NBEAL2: variants seen among roughly 807,000 people sequenced by gnomAD.
The protein encoded by NBEAL2 is neurobeachin like 2.
A neutral mutation model predicts 299.8 loss-of-function variants in NBEAL2; 160 were observed. The ratio of observed to expected loss-of-function variants is 0.53; its 90% CI spans 0.47 to 0.61. NBEAL2 has a LOEUF of 0.61. Among genes scored for constraint, NBEAL2 ranks in the 20% least tolerant of loss-of-function variants. The pLI, the probability that NBEAL2 is intolerant of heterozygous loss-of-function variation, is 0.00. For missense variants in NBEAL2, 3,112 were observed against 3,649.0 expected, an observed-to-expected ratio of 0.85 and a Z score of 3.79; for synonymous variants, 1,493 against 1,542.3, an observed-to-expected ratio of 0.97 and a Z score of 0.75.
rs1172760126 is a variant in NBEAL2 at position 46,994,484 on chromosome 3, T to C, written c.1227T>C (p.Pro409=). The change falls in exon 12 of 54, where the codon CCT becomes CCC. Residue 409 remains proline (P), a synonymous_variant. Coordinates refer to ENST00000450053, the MANE Select transcript of NBEAL2 (RefSeq NM_015175.3). ...KEVFKERIGY[P]HLQEVLQSHG... is the part of the protein sequence containing the mutation. ...TGTTTAAGGAGCGCATCGGCTACCC[T>C]CACCTGCAGGAGGTTCTGCAGAGCC... The C allele has an allele frequency of 1.9e-6, 3 of 1,595,802 alleles. No individual in the cohort carries two copies. In the East Asian group the frequency reaches 6.7e-5, roughly 36 times the overall value.
At chr3:46,983,454 C>T (rs1258059658) in intron 1 of NBEAL2, among the ~76,000 whole-genome samples, 1 of 151,954 alleles carries the variant, frequency 6.6e-6, no homozygotes, top group Non-Finnish European at 1.5e-5. Context: ...AGACTACAGG[C>T]GTGTGCCACC....
Position 46,979,733 on chromosome 3 carries a change from C to T in NBEAL2, c.-129C>T. ...CGGAGGCCACAGCCGCAGACTTCCCCAGTAGTACCGCGCCGCTCCGCCCCG... is the reference window on the plus strand; with the variant it reads ...CGGAGGCCACAGCCGCAGACTTCCCTAGTAGTACCGCGCCGCTCCGCCCCG... On this transcript the variant is annotated 5_prime_UTR_variant, in exon 1 of 54. Transcript: ENST00000450053. The T allele has an allele frequency of 3.2e-6, 1 of 316,596 alleles. No homozygotes were observed. The allele number at this position is 316,596 out of a possible 1,614,324, so 19.6% of individuals were successfully genotyped here.
chr3:46,999,164 C>G (rs1173507485), intron 24 of NBEAL2, 47 bp downstream of exon 24: 3 of 1,547,738 alleles, frequency 1.9e-6, no homozygotes, highest in Non-Finnish European at 2.6e-6. Flanking sequence ...CACTGGGGCC[C>G]CTGCCTGGGG....
At chr3:46,997,165 A>T in intron 18 of NBEAL2, 94 bp from the exon 19 acceptor site, 2 of 1,569,146 alleles carry the variant, frequency 1.3e-6, no homozygotes, top group Non-Finnish European at 1.7e-6. Context: ...CCAGCTCAAG[A>T]GAGCAAAACT....
rs1335386671 is a variant in NBEAL2 at position 46,988,653 on chromosome 3, C to T, written c.52-16C>T. 2 of 1,611,854 alleles carry T rather than the reference C, an allele frequency of 1.2e-6. No homozygotes were observed. Among genetic ancestry groups the T allele is most frequent in the Non-Finnish European group, 1.7e-6 (2 of 1,178,002 alleles). ...CCCTCCTGCCCCCCACCACTGTTCC[C>T]CTGTTCTGCCTACAGAAGGACCTGG... is the stretch of plus-strand genomic sequence containing the variant. On this transcript the variant is annotated splice_polypyrimidine_tract_variant and intron_variant, in intron 1 of 53. Transcript: ENST00000450053. This position sits in a 1 kb window ranked among gnomAD's most constrained non-coding sequence, Gnocchi z 4.4.
In NBEAL2 at chr3:47,002,820, C is replaced by A; in HGVS notation, c.5459+18C>A. 1 of 1,506,350 alleles carries A rather than the reference C, an allele frequency of 6.6e-7. No homozygotes were observed. The allele number at this position is 1,506,350 out of a possible 1,614,324, so 93.3% of individuals were successfully genotyped here. A position where few individuals can be genotyped will look rare whatever the true frequency, so the allele number is the denominator to read the frequency against. ...GCGCTGAGGTGGGCCGGGCTTGGGG[C>A]AGGGTCGCTGTGGAGGGGTGGGGCT... is the stretch of plus-strand genomic sequence containing the variant. On this transcript the variant is annotated intron_variant, in intron 33 of 53. Coordinates refer to ENST00000450053, the MANE Select transcript of NBEAL2 (RefSeq NM_015175.3).
rs774820271 is a variant in NBEAL2 at position 46,991,211 on chromosome 3, CT to C, written c.557-7del. The C allele has an allele frequency of 9.4e-6, 15 of 1,600,552 alleles. No homozygotes were observed. The highest frequency in any genetic ancestry group is 8.5e-7 in the Non-Finnish European group (1 of 1,173,024). On this transcript the variant is annotated splice_polypyrimidine_tract_variant and splice_region_variant and intron_variant, in intron 6 of 53. Coordinates refer to ENST00000450053, the MANE Select transcript of NBEAL2 (RefSeq NM_015175.3). This position sits in a 1 kb window ranked among gnomAD's most constrained non-coding sequence, Gnocchi z 6.2. ...GTGACATTACCCTGCCCACACCCCCCTACCCAGAGAGCCTACAGAATGCAGA... is the reference window on the plus strand; with the variant it reads ...GTGACATTACCCTGCCCACACCCCCCACCCAGAGAGCCTACAGAATGCAGA...
At chr3:46,981,268 C>T (rs375410204) in intron 1 of NBEAL2, among the ~76,000 whole-genome samples, 11 of 152,082 alleles carry the variant, frequency 7.2e-5, no homozygotes, top group African/African-American at 2.7e-4. Flanking sequence ...CATGGTGAAA[C>T]CCCATCTCTA....
chr3:46,996,115 G>T, intron 15 of NBEAL2, 64 bp downstream of exon 15: 1 of 1,554,912 alleles, frequency 6.4e-7, no homozygotes, highest in Non-Finnish European at 8.7e-7. Flanking sequence ...CAGTGGGCAG[G>T]TGTAGCCTGG....
Position 47,003,385 on chromosome 3 carries a change from G to A in NBEAL2, c.5720+76G>A. 1 of 1,546,216 alleles carries A rather than the reference G, an allele frequency of 6.5e-7. No homozygotes were observed. The highest frequency in any genetic ancestry group is 8.7e-7 in the Non-Finnish European group (1 of 1,144,098). On this transcript the variant is annotated intron_variant, in intron 35 of 53. Transcript: ENST00000450053. The surrounding 1 kb of genome is among the most constrained non-coding windows in gnomAD (Gnocchi z 7.0). ...CTCCAGTGTGTGCATGCCTCTGTGG[G>A]ATCAACTCCCTGAGTGTGTCCTCTT... is the stretch of plus-strand genomic sequence containing the variant.
chr3:46,979,831 G>A lies in NBEAL2; in HGVS notation c.-31G>A, dbSNP rs1402802131. On this transcript the variant is annotated 5_prime_UTR_variant, in exon 1 of 54. Transcript: ENST00000450053. ...GGCGCGGAGGAGGCGGCGACAGGTGGCGCGCAGCAGGGCCGGAGCCGGGCC... is the reference window on the plus strand; with the variant it reads ...GGCGCGGAGGAGGCGGCGACAGGTGACGCGCAGCAGGGCCGGAGCCGGGCC... The A allele has an allele frequency of 7.2e-6, 3 of 418,846 alleles. No individual in the cohort carries two copies. Among genetic ancestry groups the A allele is most frequent in the Non-Finnish European group, 1.3e-5 (3 of 239,896 alleles). 25.9% of individuals were successfully genotyped at this position (418,846 alleles called of 1,614,324 possible). A position where few individuals can be genotyped will look rare whatever the true frequency, so the allele number is the denominator to read the frequency against.
rs765539946 is a variant in NBEAL2, at chr3:47,008,561, G to A, written c.7920G>A (p.Leu2640=). ...SLHLYSVNGK[L]RASLPLAEQP... ...ACCTGTATTCAGTCAATGGGAAGTT[G>A]CGGGCTTCACTGCCCCTGGCAGAGC... is the stretch of plus-strand genomic sequence containing the variant. The change falls in exon 52 of 54, where the codon TTG becomes TTA. Residue 2640 remains leucine (L), a synonymous_variant. Transcript: ENST00000450053. 6.2e-7 allele frequency: 1 copy of A among 1,613,726 alleles called. No homozygotes were observed. The highest frequency in any genetic ancestry group is 1.1e-5 in the South Asian group (1 of 91,088).
At position 46,991,584 on chromosome 3, in the gene NBEAL2, G is replaced by A. The variant is rs372699842; in HGVS notation, c.821G>A (p.Arg274His). ...SRAPPRGPEL[R>H]ALLESYFHVL... is the part of the protein sequence containing the mutation. ...GCACCTCCTCGTGGCCCAGAGCTTC[G>A]TGCCCTGCTTGAGAGCTACTTCCAT... The change falls in exon 8 of 54, where the codon CGT becomes CAT. Residue 274 changes from arginine (R) to histidine (H), a missense_variant. Arg to His is a conservative substitution (Grantham distance 29, BLOSUM62 0). Coordinates refer to ENST00000450053, the MANE Select transcript of NBEAL2 (RefSeq NM_015175.3). This position sits in a 1 kb window ranked among gnomAD's most constrained non-coding sequence, Gnocchi z 6.2. 1.2e-5 allele frequency: 20 copies of A among 1,601,964 alleles called. No homozygotes were observed. Among genetic ancestry groups the A allele is most frequent in the Middle Eastern group, 1.6e-4 (1 of 6,082 alleles).
rs1559597430 is a variant in NBEAL2 at position 46,996,372 on chromosome 3, C to A, written c.2253C>A (p.His751Gln). The change falls in exon 16 of 54, where the codon CAC becomes CAA. Residue 751 changes from histidine (H) to glutamine (Q), a missense_variant. By Grantham distance (24) the His-to-Gln change is conservative (BLOSUM62 0). Transcript: ENST00000450053. ...TCCCCGCCACCCTGGCCTACACTCA[C>A]CCCGCCCTCACCCGCTCCCAGTCAG... ...PPVPATLAYT[H>Q]PALTRSQSVP... 6 of 1,612,520 alleles carry A rather than the reference C, an allele frequency of 3.7e-6. No individual in the cohort carries two copies. The highest frequency in any genetic ancestry group is 1.1e-5 in the South Asian group (1 of 91,072).
chr3:47,002,174 G>A lies in NBEAL2; in HGVS notation c.5037G>A (p.Leu1679=), dbSNP rs2037060307. 22 of 1,531,456 alleles carry A rather than the reference G, an allele frequency of 1.4e-5. No individual in the cohort carries two copies. The highest frequency in any genetic ancestry group is 1.9e-5 in the Non-Finnish European group (22 of 1,134,402). The allele number at this position is 1,531,456 out of a possible 1,614,324, so 94.9% of individuals were successfully genotyped here. The change falls in exon 31 of 54, where the codon CTG becomes CTA. Residue 1679 remains leucine (L), a synonymous_variant. Coordinates refer to ENST00000450053, the MANE Select transcript of NBEAL2 (RefSeq NM_015175.3). ...TGCTAGACCGTGCCTATGAGCCGCT[G>A]GGGCTGCAGTGGGGACTGCCCTCCC... ...RTLLDRAYEP[L]GLQWGLPSLP...
intron 1 of NBEAL2, among the ~76,000 whole-genome samples, chr3:46,987,036 C>T (rs766052908): frequency 5.3e-5 from 8 of 152,214 alleles, no homozygotes; most frequent in African/African-American, 7.2e-5. Flanking sequence ...CATGGTGGCC[C>T]TGGCACCTCT....
Position 46,995,425 on chromosome 3 carries a change from A to C in NBEAL2, c.1690A>C (p.Thr564Pro), listed in dbSNP as rs1326305763. 6.2e-7 allele frequency: 1 copy of C among 1,612,684 alleles called. No individual in the cohort carries two copies. The highest frequency in any genetic ancestry group is 1.3e-5 in the African/African-American group (1 of 74,942). Residue 564 changes from threonine (T) to proline (P), a missense_variant, in exon 13 of 54, where the codon ACA becomes CCA. Thr to Pro is a conservative substitution (Grantham distance 38, BLOSUM62 -1). Transcript: ENST00000450053. ...CCGACACGCAGGTGCTGTCATCCGCACATTATCAGGCATGGCCAGGCACCA... is the reference window on the plus strand; with the variant it reads ...CCGACACGCAGGTGCTGTCATCCGCCCATTATCAGGCATGGCCAGGCACCA... ...KARHAGAVIR[T>P]LSGMARHQGP...
Position 46,982,458 on chromosome 3 carries a change from C to T in NBEAL2, c.51+2546C>T, listed in dbSNP as rs1869871. Among the ~76,000 whole-genome samples, 74,353 of 151,962 alleles carry T rather than the reference C, an allele frequency of 0.49. 19,665 individuals are homozygous for T. The highest frequency in any genetic ancestry group is 0.58 in the Non-Finnish European group (39,396 of 67,962). ...CACCCACCCCCTCCCCCTGGGGGCC[C>T]GGCTCAACTGGGGGCCTCATAGTGA... On this transcript the variant is annotated intron_variant, in intron 1 of 53. Transcript: ENST00000450053. This position sits in a 1 kb window ranked among gnomAD's most constrained non-coding sequence, Gnocchi z 4.2.
At chr3:46,987,914 G>A in intron 1 of NBEAL2, 7 of 1,090,122 alleles carry the variant, frequency 6.4e-6, no homozygotes, top group Non-Finnish European at 8.4e-6. Context: ...CTGCCGGGAG[G>A]AAGCGGTCCC....
Sources: gnomAD v4.1 joint callset for allele counts (sites outside exome capture counted in the v4.1 genomes callset) on GRCh38, gnomAD v4.1.1 for gene constraint, Gnocchi (gnomAD v3.1) non-coding constraint, MANE v1.5 for transcripts, NCBI Gene and HGNC (gene_info 2026-07-23, HGNC 2026-07-21) for gene names.